Variants in TAFA1 observed in about 807,000 individuals in gnomAD.
TAFA1 encodes the protein TAFA chemokine like family member 1, also known as chemokine-like protein TAFA-1.
TAFA1 carries 4 observed loss-of-function variants against 18.5 expected under a neutral mutation model. The observed-to-expected ratio is 0.22, with a 90% CI of 0.11 to 0.49. The LOEUF (loss-of-function observed/expected upper bound fraction) is 0.49, where lower values mean the gene tolerates loss of function less well. Among genes scored for constraint, TAFA1 ranks in the 20% least tolerant of loss-of-function variants. The pLI is 0.98. For synonymous variants in TAFA1, 56 were observed against 55.2 expected (o/e 1.01, Z -0.06); for missense variants, 147 against 169.0 (o/e 0.87, Z 0.72).
intron 2 of TAFA1, among the ~76,000 whole-genome samples, chr3:68,205,649 T>C (rs1340756852): frequency 6.6e-6 from 1 of 151,822 alleles, no homozygotes; most frequent in Admixed American, 6.6e-5. Context: ...AACTACTACA[T>C]TTGTTTGCAA....
chr3:68,225,667 C>T (rs569242834), intron 2 of TAFA1, among the ~76,000 whole-genome samples: 1 of 152,234 alleles, frequency 6.6e-6, no homozygotes, highest in East Asian at 1.9e-4. Context: ...TTCTCAGGTT[C>T]AAGTCCTGTC....
At chr3:68,267,669 A>G (rs1171666288) in intron 2 of TAFA1, among the ~76,000 whole-genome samples, 1 of 152,072 alleles carries the variant, frequency 6.6e-6, no homozygotes, top group East Asian at 1.9e-4. Flanking sequence ...GGTTATTTGA[A>G]GGATTCTTTT....
At chr3:68,258,603 C>G (rs977697458) in intron 2 of TAFA1, among the ~76,000 whole-genome samples, 2 of 152,092 alleles carry the variant, frequency 1.3e-5, no homozygotes, top group Admixed American at 6.6e-5. Flanking sequence ...AATTTCAAAT[C>G]GAAACTCCAG....
At chr3:68,451,690 C>T (rs1272619412) in intron 3 of TAFA1, among the ~76,000 whole-genome samples, 1 of 152,104 alleles carries the variant, frequency 6.6e-6, no homozygotes, top group African/African-American at 2.4e-5. Flanking sequence ...CATGAGAAGA[C>T]ACTGGACAGA....
At chr3:68,233,082 A>C (rs2066890709) in intron 2 of TAFA1, among the ~76,000 whole-genome samples, 1 of 151,994 alleles carries the variant, frequency 6.6e-6, no homozygotes, top group Admixed American at 6.6e-5. Context: ...TGTGGTTTTG[A>C]TTTGCATTTC....
intron 2 of TAFA1, among the ~76,000 whole-genome samples, chr3:68,337,219 G>A (rs1178164946): frequency 2.6e-5 from 4 of 152,244 alleles, no homozygotes; most frequent in East Asian, 3.9e-4. Flanking sequence ...GGTGCCCTCC[G>A]AAAACTTACA....
At chr3:68,436,076 C>T (rs898944146) in intron 3 of TAFA1, among the ~76,000 whole-genome samples, 17 of 152,108 alleles carry the variant, frequency 1.1e-4, no homozygotes, top group African/African-American at 3.1e-4. Context: ...GTTAAGAGCA[C>T]GGGCTGGGGA....
rs2073070371 is a variant in TAFA1, at chr3:68,524,179, C to T, written c.260-14577C>T. Among the ~76,000 whole-genome samples the T allele has an allele frequency of 2.0e-5, 3 of 152,118 alleles. No individual in the cohort carries two copies. In the South Asian group the frequency reaches 6.2e-4, roughly 32 times the overall value. On this transcript the variant is annotated intron_variant, in intron 3 of 4. Transcript: ENST00000478136. ...CCTCTGTCACATGTCTGATGATTGA[C>T]AGGTTGATGATGCCAGGAGGACCTC... is the stretch of plus-strand genomic sequence containing the variant.
rs1196940783 is a variant in TAFA1 at position 68,163,943 on chromosome 3, G to A, written c.118+157199G>A. Among the ~76,000 whole-genome samples, 4 of 152,116 alleles carry A rather than the reference G, an allele frequency of 2.6e-5. No homozygotes were observed. The South Asian group carries it at 8.3e-4, about 31-fold the overall frequency. ...AGACTTTTGCAGTTTAAACTCTTAG[G>A]TCTATAAATTGTGTAATCTCTTCAA... On this transcript the variant is annotated intron_variant, in intron 2 of 4. Transcript: ENST00000478136.
intron 2 of TAFA1, among the ~76,000 whole-genome samples, chr3:68,141,689 C>G (rs925668453): frequency 6.6e-6 from 1 of 152,212 alleles, no homozygotes; most frequent in Non-Finnish European, 1.5e-5. Flanking sequence ...CTCAGGGCCA[C>G]TGCTTCAGGG....
At chr3:68,025,885 C>T (rs572406839) in intron 2 of TAFA1, among the ~76,000 whole-genome samples, 1 of 152,234 alleles carries the variant, frequency 6.6e-6, no homozygotes, top group African/African-American at 2.4e-5. Flanking sequence ...CATTTGCTGC[C>T]TTTCACCTTA....
At chr3:68,077,532 G>A (rs1254045652) in intron 2 of TAFA1, among the ~76,000 whole-genome samples, 4 of 149,478 alleles carry the variant, frequency 2.7e-5, no homozygotes, top group African/African-American at 5.0e-5. Flanking sequence ...CATATGGCTA[G>A]CCAGTTTTCC....
intron 2 of TAFA1, among the ~76,000 whole-genome samples, chr3:68,222,899 C>G (rs2066749351): frequency 6.6e-6 from 1 of 152,126 alleles, no homozygotes; most frequent in African/African-American, 2.4e-5. Flanking sequence ...TCTCGAACTC[C>G]TGACCTCAAG....
At chr3:68,444,253 C>A (rs941798966) in intron 3 of TAFA1, among the ~76,000 whole-genome samples, 1 of 152,164 alleles carries the variant, frequency 6.6e-6, no homozygotes, top group African/African-American at 2.4e-5. Context: ...CAGTGCTAGT[C>A]TTTTGGGTAA....
At chr3:68,477,387 T>G (rs2072120559) in intron 3 of TAFA1, among the ~76,000 whole-genome samples, 1 of 152,166 alleles carries the variant, frequency 6.6e-6, no homozygotes, top group Non-Finnish European at 1.5e-5. Flanking sequence ...AAAAAATTCT[T>G]TTTTGAGATG....
chr3:68,536,977 T>C (rs1221956851), intron 3 of TAFA1, among the ~76,000 whole-genome samples: 1 of 152,192 alleles, frequency 6.6e-6, no homozygotes, highest in African/African-American at 2.4e-5. Flanking sequence ...GTACTTTCAG[T>C]CAATTCATTT....
At chr3:68,193,317 G>A (rs900438904) in intron 2 of TAFA1, among the ~76,000 whole-genome samples, 83 of 151,898 alleles carry the variant, frequency 5.5e-4, no homozygotes, top group Non-Finnish European at 4.4e-5. Flanking sequence ...GTATTTTAAT[G>A]TAAGTTTAAG....
intron 2 of TAFA1, among the ~76,000 whole-genome samples, chr3:68,099,822 A>G (rs143556073): frequency 1.3e-3 from 203 of 152,338 alleles, no homozygotes; most frequent in African/African-American, 4.5e-3. Context: ...AGCCATAAAA[A>G]AGAATGAAAC....
intron 2 of TAFA1, among the ~76,000 whole-genome samples, chr3:68,318,561 T>A (rs1286231912): frequency 1.3e-5 from 2 of 152,210 alleles, no homozygotes; most frequent in Non-Finnish European, 2.9e-5. Context: ...TTGACCAGAA[T>A]CCAGCTCTCC....
Sources: gnomAD v4.1 joint callset for allele counts (sites outside exome capture counted in the v4.1 genomes callset) on GRCh38, gnomAD v4.1.1 for gene constraint, MANE v1.5 for transcripts, NCBI Gene and HGNC (gene_info 2026-07-23, HGNC 2026-07-21) for gene names.